The following LTBP4 variants were observed in gnomAD, a reference collection of about 807,000 sequenced individuals.
The protein encoded by LTBP4 is latent transforming growth factor beta binding protein 4, also known as latent-transforming growth factor beta-binding protein 4.
In LTBP4, 93 loss-of-function variants were observed where a neutral mutation model predicts 180.2. The ratio of observed to expected loss-of-function variants is 0.52; its 90% CI spans 0.44 to 0.61. LTBP4 has a LOEUF of 0.61. LTBP4 is among the 20% of genes least tolerant of loss of function. The probability of loss-of-function intolerance (pLI) is 0.00; values close to 1 mark genes in which losing one functional copy is unlikely to be tolerated. For synonymous variants in LTBP4, 947 were observed against 934.5 expected, an observed-to-expected ratio of 1.01 and a Z score of -0.24; for missense variants, 2,116 against 2,256.5, an observed-to-expected ratio of 0.94 and a Z score of 1.26.
intron 15 of LTBP4, 67 bp downstream of exon 15, chr19:40,612,259 A>T: frequency 6.6e-7 from 1 of 1,510,922 alleles, no homozygotes; most frequent in Non-Finnish European, 8.9e-7. Context: ...CCCAGATCAC[A>T]ACTATGACCT....
Position 40,609,498 on chromosome 19 carries a change from A to G in LTBP4, c.1427-32A>G. The G allele has an allele frequency of 1.9e-6, 3 of 1,605,012 alleles. No individual in the cohort carries two copies. The highest frequency in any genetic ancestry group is 1.1e-5 in the South Asian group (1 of 90,914). On this transcript the variant is annotated intron_variant, in intron 9 of 29. Transcript: ENST00000396819. This position sits in a 1 kb window ranked among gnomAD's most constrained non-coding sequence, Gnocchi z 4.9. ...GATGAAAGGAACGGAGGATTCAGAG[A>G]TGGGGGAACCCTGGCTGACTGGACC...
intron 22 of LTBP4, among the ~76,000 whole-genome samples, chr19:40,619,874 C>T (rs558728345): frequency 6.6e-6 from 1 of 152,272 alleles, no homozygotes; most frequent in East Asian, 1.9e-4. Flanking sequence ...ACGGGGAAAG[C>T]CCAGGGGGGT....
In LTBP4 at chr19:40,627,267, C is replaced by T; in HGVS notation, c.4278C>T (p.Gly1426=). 2 of 1,561,362 alleles carry T rather than the reference C, an allele frequency of 1.3e-6. No individual in the cohort carries two copies. Among genetic ancestry groups the T allele is most frequent in the Non-Finnish European group, 1.7e-6 (2 of 1,157,758 alleles). ...YGESEAPAPP[G]PGTRWPYRSR... Reference sequence around the variant, plus strand: ...AATCTGAGGCTCCTGCGCCACCTGGCCCGGGCACCCGCTGGCCCTATCGGT... The same window carrying T: ...AATCTGAGGCTCCTGCGCCACCTGGTCCGGGCACCCGCTGGCCCTATCGGT... The change falls in exon 28 of 30, where the codon GGC becomes GGT. Residue 1426 remains glycine, a synonymous_variant. Transcript: ENST00000396819.
At position 40,627,726 on chromosome 19, in the gene LTBP4, A is replaced by G; in HGVS notation, c.4388A>G (p.Glu1463Gly). 6.3e-7 allele frequency: 1 copy of G among 1,597,432 alleles called. No homozygotes were observed. The highest frequency in any genetic ancestry group is 8.5e-7 in the Non-Finnish European group (1 of 1,173,398). ...ACAGGTTCCCTGGCTGAGCCCTACG[A>G]GGAGCTGGAGGCGGAGGAGTGCGGG... ...SYAGSLAEPY[E>G]ELEAEECGIL... Residue 1463 changes from glutamate (E) to glycine (G), a missense_variant, in exon 29 of 30, where the codon GAG becomes GGG. Physicochemically the swap from Glu to Gly is moderately conservative, Grantham distance 98 (BLOSUM62 -2). Coordinates refer to ENST00000396819, the MANE Select transcript of LTBP4 (RefSeq NM_001042545.2).
upstream of LTBP4, among the ~76,000 whole-genome samples, chr19:40,597,951 G>C (rs1453979299): frequency 6.6e-6 from 1 of 152,102 alleles, no homozygotes; most frequent in East Asian, 1.9e-4. Flanking sequence ...GCTTCAGAAC[G>C]GTTGGGGATG....
rs1461637182 is a variant in LTBP4 at position 40,625,851 on chromosome 19, C to T, written c.3833-6C>T. ...CCACTCTGACACATGCTGTCTCCAC[C>T]TACAGATGACAATCTGGGAGTGTGC... is the stretch of plus-strand genomic sequence containing the variant. On this transcript the variant is annotated splice_region_variant and splice_polypyrimidine_tract_variant and intron_variant, in intron 26 of 29. Coordinates refer to ENST00000396819, the MANE Select transcript of LTBP4 (RefSeq NM_001042545.2). The T allele has an allele frequency of 1.9e-6, 3 of 1,572,408 alleles. No individual in the cohort carries two copies. Among genetic ancestry groups the T allele is most frequent in the African/African-American group, 1.4e-5 (1 of 73,608 alleles).
intron 1 of LTBP4, among the ~76,000 whole-genome samples, chr19:40,602,145 TTGTGTGTGTGTGTG>T (rs751242257): frequency 4.9e-5 from 4 of 81,818 alleles, no homozygotes; most frequent in Middle Eastern, 7.7e-3. Context: ...GAGACGGGGG[TTGTGTGTGTGTGTG>T]TGTGTGTGTG....
chr19:40,624,523 A>G (rs1270769236), intron 26 of LTBP4, among the ~76,000 whole-genome samples: 1 of 152,112 alleles, frequency 6.6e-6, no homozygotes, highest in Non-Finnish European at 1.5e-5. Context: ...GCTCCCGAGT[A>G]GCTGGGATTA....
upstream of LTBP4, among the ~76,000 whole-genome samples, chr19:40,599,029 C>T (rs2081406089): frequency 6.6e-6 from 1 of 152,182 alleles, no homozygotes; most frequent in Non-Finnish European, 1.5e-5. Context: ...CAATTTGCCT[C>T]CCATTGTACA....
chr19:40,602,697 C>G (rs940854615), intron 1 of LTBP4, among the ~76,000 whole-genome samples: 1 of 152,208 alleles, frequency 6.6e-6, no homozygotes, highest in African/African-American at 2.4e-5. Flanking sequence ...GAAGTGGGGG[C>G]TGACCTCAAA....
Position 40,622,963 on chromosome 19 carries a change from A to G in LTBP4, c.3498A>G (p.Ser1166=), listed in dbSNP as rs560174153. 1 of 1,613,288 alleles carries G rather than the reference A, an allele frequency of 6.2e-7. No individual in the cohort carries two copies. Among genetic ancestry groups the G allele is most frequent in the Non-Finnish European group, 8.5e-7 (1 of 1,179,684 alleles). The change falls in exon 24 of 30, where the codon TCA becomes TCG. Residue 1166 remains serine, a synonymous_variant. Transcript: ENST00000396819. This position sits in a 1 kb window ranked among gnomAD's most constrained non-coding sequence, Gnocchi z 5.1. ...CTCTGTGTGTAGCTGAGTACCAGTCATTGTGCCCTCACGGCCGGGGCTACC... is the reference window on the plus strand; with the variant it reads ...CTCTGTGTGTAGCTGAGTACCAGTCGTTGTGCCCTCACGGCCGGGGCTACC... The part of the protein sequence containing the change: ...CPGTETAEYQ[S]LCPHGRGYLA...
intron 1 of LTBP4, among the ~76,000 whole-genome samples, chr19:40,604,381 G>A (rs1023561335): frequency 1.3e-5 from 2 of 152,078 alleles, no homozygotes; most frequent in Admixed American, 6.6e-5. Flanking sequence ...CCAGGGAGTG[G>A]TTAAAATGTG....
rs1568412378 is a variant in LTBP4, at chr19:40,622,140, C to T, written c.3218-261C>T. On this transcript the variant is annotated intron_variant, in intron 22 of 29. Coordinates refer to ENST00000396819, the MANE Select transcript of LTBP4 (RefSeq NM_001042545.2). This position sits in a 1 kb window ranked among gnomAD's most constrained non-coding sequence, Gnocchi z 5.1. ...GGCATCCAGGAAGCCAGGGAAGTTC[C>T]CTCACCACCCACCCAAGCTGTTAGC... is the stretch of plus-strand genomic sequence containing the variant. 6.6e-6 allele frequency among the ~76,000 whole-genome samples: 1 copy of T among 152,144 alleles called. No homozygotes were observed. The highest frequency in any genetic ancestry group is 2.4e-5 in the African/African-American group (1 of 41,438).
chr19:40,619,414 C>T lies in LTBP4; in HGVS notation c.3138C>T (p.Ser1046=). ...CCCTGTGTGAAAATGTCGAAGGCTC[C>T]TTCCTCTGTGTCTGCCCCAACAGCC... ...GAALCENVEG[S]FLCVCPNSPE... The change falls in exon 22 of 30, where the codon TCC becomes TCT. Residue 1046 remains serine, a synonymous_variant. Transcript: ENST00000396819. 1.2e-6 allele frequency: 2 copies of T among 1,613,930 alleles called. No individual in the cohort carries two copies. Among genetic ancestry groups the T allele is most frequent in the Non-Finnish European group, 1.7e-6 (2 of 1,179,876 alleles).
chr19:40,607,579 C>A, intron 7 of LTBP4, 50 bp downstream of exon 7: 3 of 1,513,916 alleles, frequency 2.0e-6, no homozygotes, highest in Admixed American at 2.0e-5. Flanking sequence ...ATGTGGCGCT[C>A]ATTCTACGCC....
At position 40,605,718 on chromosome 19, in the gene LTBP4, C is replaced by G; in HGVS notation, c.691-11C>G. 1 of 1,547,272 alleles carries G rather than the reference C, an allele frequency of 6.5e-7. No homozygotes were observed. Among genetic ancestry groups the G allele is most frequent in the East Asian group, 2.4e-5 (1 of 40,904 alleles). On this transcript the variant is annotated splice_polypyrimidine_tract_variant and intron_variant, in intron 3 of 29. Transcript: ENST00000396819. The surrounding 1 kb of genome is among the most constrained non-coding windows in gnomAD (Gnocchi z 5.5). ...CGCGCGGGGGCGCGCTCACCCAACA[C>G]TTCCCCGCAGTGCGCGTCCCCGCTG...
At chr19:40,608,461 C>A in intron 8 of LTBP4, 23 bp from the exon 9 acceptor site, 5 of 1,593,702 alleles carry the variant, frequency 3.1e-6, no homozygotes, top group Non-Finnish European at 4.3e-6. Flanking sequence ...GGGCTCCACT[C>A]GTTGATACCC....
rs1041206985 is a variant in LTBP4 at position 40,613,968 on chromosome 19, C to T, written c.2610C>T (p.Asn870=). ...TTTGCCAGAGCGGCATCTGTACCAA[C>T]ACCGACGGCTCCTTCGAGTGCATCT... ...EDLCQSGICT[N]TDGSFECICP... The change falls in exon 18 of 30, where the codon AAC becomes AAT. Residue 870 remains asparagine (N), a synonymous_variant. Transcript: ENST00000396819. The surrounding 1 kb of genome is among the most constrained non-coding windows in gnomAD (Gnocchi z 5.0). The T allele has an allele frequency of 7.4e-6, 12 of 1,613,634 alleles. No individual in the cohort carries two copies. Among genetic ancestry groups the T allele is most frequent in the Admixed American group, 1.7e-5 (1 of 59,982 alleles).
upstream of LTBP4, chr19:40,599,671 T>A: frequency 9.8e-7 from 1 of 1,019,736 alleles, no homozygotes; most frequent in Non-Finnish European, 1.4e-6. Context: ...CCTCCCCGGC[T>A]CTTTCTTTTG....
Sources: gnomAD v4.1 joint callset for allele counts (sites outside exome capture counted in the v4.1 genomes callset) on GRCh38, gnomAD v4.1.1 for gene constraint, Gnocchi (gnomAD v3.1) non-coding constraint, MANE v1.5 for transcripts, NCBI Gene and HGNC (gene_info 2026-07-23, HGNC 2026-07-21) for gene names.